Variants in NCAM2 observed in about 807,000 individuals in gnomAD.
NCAM2 encodes the protein N-CAM-2.
A neutral mutation model predicts 98.1 loss-of-function variants in NCAM2; 30 were observed. The ratio of observed to expected loss-of-function variants is 0.31; its 90% CI spans 0.23 to 0.41. NCAM2 has a LOEUF of 0.41. Among genes scored for constraint, NCAM2 ranks in the 10% least tolerant of loss-of-function variants. NCAM2 has a pLI of 1.00. For synonymous variants in NCAM2, 368 were observed against 342.4 expected, an observed-to-expected ratio of 1.07 and a Z score of -0.83; for missense variants, 867 against 1,005.8, an observed-to-expected ratio of 0.86 and a Z score of 1.87.
At chr21:21,290,521 T>A (rs1307380654) in intron 4 of NCAM2, among the ~76,000 whole-genome samples, 1 of 151,872 alleles carries the variant, frequency 6.6e-6, no homozygotes, top group Non-Finnish European at 1.5e-5. Context: ...GTGCTTTAAT[T>A]TACCAGGGGA....
intron 9 of NCAM2, among the ~76,000 whole-genome samples, chr21:21,400,951 A>C (rs17003851): frequency 0.083 from 12,604 of 152,176 alleles, 1,211 homozygotes; most frequent in African/African-American, 0.23. Context: ...TTTTAAAGAA[A>C]TCTTAGAGGT....
intron 1 of NCAM2, among the ~76,000 whole-genome samples, chr21:21,003,288 A>G (rs1378684858): frequency 6.6e-6 from 1 of 152,164 alleles, no homozygotes; most frequent in African/African-American, 2.4e-5. Context: ...GAGAATATTT[A>G]TAAGCATGGC....
chr21:21,478,389 T>A (rs1000593233), intron 15 of NCAM2, among the ~76,000 whole-genome samples: 1 of 151,934 alleles, frequency 6.6e-6, no homozygotes, highest in African/African-American at 2.4e-5. Context: ...TATTAGAGTA[T>A]AAGTATAGAT....
At chr21:21,093,750 G>T (rs1424141594) in intron 1 of NCAM2, among the ~76,000 whole-genome samples, 2 of 151,934 alleles carry the variant, frequency 1.3e-5, no homozygotes, top group Non-Finnish European at 2.9e-5. Context: ...TTCTTTGTCT[G>T]CAGTGCCTCA....
intron 1 of NCAM2, among the ~76,000 whole-genome samples, chr21:21,272,839 C>G (rs1358403078): frequency 6.6e-6 from 1 of 151,194 alleles, no homozygotes; most frequent in African/African-American, 2.4e-5. Context: ...TTTGATATGC[C>G]AAATTTGAGA....
intron 1 of NCAM2, among the ~76,000 whole-genome samples, chr21:21,089,409 G>A (rs1368137832): frequency 6.6e-6 from 1 of 152,044 alleles, no homozygotes; most frequent in African/African-American, 2.4e-5. Context: ...ACCATCTGCT[G>A]GCTATTAGTG....
chr21:21,087,081 T>TGTGTGTGTGC (rs2065920444), intron 1 of NCAM2, among the ~76,000 whole-genome samples: 1 of 146,732 alleles, frequency 6.8e-6, no homozygotes, highest in African/African-American at 2.5e-5. Context: ...TGTGTGTGCG[T>TGTGTGTGTGC]GTGTGTGTGT....
chr21:21,297,794 T>C (rs2073545877), intron 5 of NCAM2, among the ~76,000 whole-genome samples: 1 of 151,788 alleles, frequency 6.6e-6, no homozygotes, highest in Non-Finnish European at 1.5e-5. Flanking sequence ...TAAAATACAG[T>C]CAGTAGAGTG....
chr21:21,365,469 A>G (rs534279144), intron 8 of NCAM2, among the ~76,000 whole-genome samples: 1 of 152,192 alleles, frequency 6.6e-6, no homozygotes, highest in East Asian at 1.9e-4. Flanking sequence ...AAAGGAATAC[A>G]AAACATATAG....
At chr21:21,035,860 T>C (rs1419253536) in intron 1 of NCAM2, among the ~76,000 whole-genome samples, 1 of 152,194 alleles carries the variant, frequency 6.6e-6, no homozygotes, top group Admixed American at 6.6e-5. Flanking sequence ...AAAATAACCA[T>C]GGTTAAAGAC....
At chr21:21,466,478 G>T in intron 12 of NCAM2, 128 bp from the exon 13 acceptor site, 1 of 668,932 alleles carries the variant, frequency 1.5e-6, no homozygotes, top group Non-Finnish European at 2.2e-6. Flanking sequence ...GTATTTCATG[G>T]AAAGATTTCA....
At chr21:21,227,750 T>C (rs977720883) in intron 1 of NCAM2, among the ~76,000 whole-genome samples, 9 of 151,784 alleles carry the variant, frequency 5.9e-5, no homozygotes, top group African/African-American at 2.2e-4. Flanking sequence ...TAATAATTGA[T>C]AGAAAATTGG....
intron 1 of NCAM2, among the ~76,000 whole-genome samples, chr21:21,005,550 T>TAA (rs1446939711): frequency 2.0e-5 from 3 of 152,182 alleles, no homozygotes; most frequent in Non-Finnish European, 4.4e-5. Context: ...GTTGATCTTT[T>TAA]TATTGGCCAA....
intron 1 of NCAM2, among the ~76,000 whole-genome samples, chr21:21,072,791 A>G (rs899899005): frequency 9.9e-5 from 15 of 152,088 alleles, no homozygotes; most frequent in African/African-American, 3.4e-4. Context: ...TTTTTTAAAG[A>G]TTTATTTATA....
At chr21:21,313,199 G>C (rs1157437605) in intron 5 of NCAM2, among the ~76,000 whole-genome samples, 1 of 151,202 alleles carries the variant, frequency 6.6e-6, no homozygotes, top group Admixed American at 6.6e-5. Flanking sequence ...TCTCTATTTT[G>C]TTCTGTTTTC....
intron 1 of NCAM2, among the ~76,000 whole-genome samples, chr21:21,113,955 A>T (rs1406083836): frequency 6.6e-6 from 1 of 152,146 alleles, no homozygotes; most frequent in East Asian, 1.9e-4. Flanking sequence ...AGAAGGTCCA[A>T]AAGTTCCATA....
At chr21:21,367,066 T>G (rs2075804524) in intron 8 of NCAM2, among the ~76,000 whole-genome samples, 1 of 152,014 alleles carries the variant, frequency 6.6e-6, no homozygotes, top group Non-Finnish European at 1.5e-5. Context: ...ATTATCACCA[T>G]ATCTCTGACC....
At chr21:21,105,151 G>T (rs1031878676) in intron 1 of NCAM2, among the ~76,000 whole-genome samples, 1 of 152,108 alleles carries the variant, frequency 6.6e-6, no homozygotes, top group African/African-American at 2.4e-5. Context: ...ACAAATTTTT[G>T]AGGTAGCATG....
chr21:21,288,576 G>T (rs1407365589), intron 4 of NCAM2, among the ~76,000 whole-genome samples: 2 of 151,512 alleles, frequency 1.3e-5, no homozygotes, highest in East Asian at 3.9e-4. Context: ...AAATTATCAG[G>T]AAGGACACAC....
Sources: gnomAD v4.1 joint callset for allele counts (sites outside exome capture counted in the v4.1 genomes callset) on GRCh38, gnomAD v4.1.1 for gene constraint, MANE v1.5 for transcripts, NCBI Gene and HGNC (gene_info 2026-07-23, HGNC 2026-07-21) for gene names.